GEMIN5: variants seen among roughly 807,000 people sequenced by gnomAD.
GEMIN5 encodes gem-associated protein 5.
In GEMIN5, 124 loss-of-function variants were observed where a neutral mutation model predicts 176.9. That is an observed-to-expected ratio of 0.70 (90% CI 0.61 to 0.81). GEMIN5 has a LOEUF of 0.81. GEMIN5 is among the 40% of genes least tolerant of loss of function. The pLI, the probability that GEMIN5 is intolerant of heterozygous loss-of-function variation, is 0.00. For synonymous variants in GEMIN5, 673 were observed against 665.2 expected (o/e 1.01, Z -0.18); for missense variants, 1,843 against 1,814.6 (o/e 1.02, Z -0.28).
At chr5:154,919,345 G>C (rs909179893) in intron 11 of GEMIN5, among the ~76,000 whole-genome samples, 36 of 151,958 alleles carry the variant, frequency 2.4e-4, no homozygotes, top group Non-Finnish European at 4.4e-5. Flanking sequence ...CACAAAAAAG[G>C]GTAAGGAAAT....
Position 154,888,172 on chromosome 5 carries a change from A to G in GEMIN5, c.*38T>C. 1.3e-6 allele frequency: 2 copies of G among 1,597,808 alleles called. No homozygotes were observed. Among genetic ancestry groups the G allele is most frequent in the Middle Eastern group, 1.7e-4 (1 of 6,046 alleles). On this transcript the variant is annotated 3_prime_UTR_variant, in exon 28 of 28. Transcript: ENST00000285873. ...ACTGCAGAGGTGAAAGATGTCAAACATTTTCAATTTGGCAGTTTCTTCAAG... is the reference window on the plus strand; with the variant it reads ...ACTGCAGAGGTGAAAGATGTCAAACGTTTTCAATTTGGCAGTTTCTTCAAG...
chr5:154,914,454 C>A (rs1232382266), intron 13 of GEMIN5, among the ~76,000 whole-genome samples: 1 of 150,584 alleles, frequency 6.6e-6, no homozygotes, highest in African/African-American at 2.4e-5. Context: ...CTATTAAGAA[C>A]ATCATTGGAT....
intron 8 of GEMIN5, among the ~76,000 whole-genome samples, chr5:154,925,428 GA>G (rs1257409259): frequency 1.3e-5 from 2 of 151,988 alleles, no homozygotes; most frequent in Non-Finnish European, 2.9e-5. Flanking sequence ...TCATTTTAGA[GA>G]AAACCAAAAA....
intron 12 of GEMIN5, 38 bp downstream of exon 12, chr5:154,917,893 G>T: frequency 7.6e-7 from 1 of 1,307,246 alleles, no homozygotes; most frequent in Non-Finnish European, 1.1e-6. Context: ...ATATATGTGC[G>T]ATTGCAAATT....
chr5:154,892,655 T>C, intron 24 of GEMIN5, 106 bp from the exon 25 acceptor site: 1 of 1,098,064 alleles, frequency 9.1e-7, no homozygotes, highest in Non-Finnish European at 1.3e-6. Context: ...GTACACACAA[T>C]TCACACTTTG....
In GEMIN5 at chr5:154,896,281, AAG is replaced by A; in HGVS notation, c.3406_3407del (p.Leu1136PhefsTer35). On this transcript the variant is annotated frameshift_variant, in exon 24 of 28. Coordinates refer to ENST00000285873, the MANE Select transcript of GEMIN5 (RefSeq NM_015465.5). LOFTEE classifies it high-confidence loss of function. ...LLSRHLEEKQ[L>X]SEGKSSSSYH... ...AAGAGGAGGAGCTTTTGCCCTCTGA[AAG>A]CTGCTTTTCCTCCAGATGCCTGGAC... The A allele has an allele frequency of 6.2e-7, 1 of 1,612,360 alleles. No individual in the cohort carries two copies. Among genetic ancestry groups the A allele is most frequent in the African/African-American group, 1.3e-5 (1 of 74,922 alleles).
intron 24 of GEMIN5, among the ~76,000 whole-genome samples, chr5:154,894,523 C>A (rs191945482): frequency 1.3e-5 from 2 of 152,202 alleles, no homozygotes; most frequent in African/African-American, 4.8e-5. Flanking sequence ...GTAATCACAG[C>A]ACTTTGGGAG....
intron 7 of GEMIN5, 44 bp downstream of exon 7, chr5:154,927,341 T>TA: frequency 7.2e-7 from 1 of 1,382,168 alleles, no homozygotes; most frequent in South Asian, 1.2e-5. Context: ...ACCCAAGTTG[T>TA]AAACTGCTGC....
At chr5:154,927,579 C>CT in intron 6 of GEMIN5, 29 bp from the exon 7 acceptor site, 1 of 1,518,222 alleles carries the variant, frequency 6.6e-7, no homozygotes, top group East Asian at 2.3e-5. Flanking sequence ...AGCATTAGTT[C>CT]TTTTACAAAC....
intron 9 of GEMIN5, among the ~76,000 whole-genome samples, chr5:154,921,893 AT>A (rs1763931195): frequency 1.3e-5 from 2 of 152,198 alleles, no homozygotes; most frequent in African/African-American, 4.8e-5. Context: ...TCCTAAGAGC[AT>A]TTTTGAAGGT....
In GEMIN5 at chr5:154,921,366, G is replaced by A; in HGVS notation, c.1439C>T (p.Pro480Leu). ...ACCAAGTGACATGGGGGGTACTGGTGGCCCCCAGGCTAAAGTATATACAGT... is the reference window on the plus strand; with the variant it reads ...ACCAAGTGACATGGGGGGTACTGGTAGCCCCCAGGCTAAAGTATATACAGT... ...KKTVYTLAWG[P>L]PVPPMSLGGE... The change falls in exon 10 of 28, where the codon CCA (proline) becomes CTA (leucine). Residue 480 changes from proline (P) to leucine (L), a missense_variant. Transcript: ENST00000285873. 6.9e-7 allele frequency: 1 copy of A among 1,457,986 alleles called. No homozygotes were observed. The highest frequency in any genetic ancestry group is 9.6e-7 in the Non-Finnish European group (1 of 1,045,450). The allele number at this position is 1,457,986 out of a possible 1,614,324, so 90.3% of individuals were successfully genotyped here. A position where few individuals can be genotyped will look rare whatever the true frequency, so the allele number is the denominator to read the frequency against.
chr5:154,909,621 C>A (rs1188962476), intron 15 of GEMIN5, among the ~76,000 whole-genome samples: 1 of 151,970 alleles, frequency 6.6e-6, no homozygotes, highest in Non-Finnish European at 1.5e-5. Context: ...TAAGATATAC[C>A]CCCTGCTTGA....
intron 15 of GEMIN5, among the ~76,000 whole-genome samples, chr5:154,908,584 T>C (rs1247920119): frequency 6.6e-6 from 1 of 152,224 alleles, no homozygotes; most frequent in African/African-American, 2.4e-5. Context: ...GTTAGTTGCA[T>C]GGTTTTCCTT....
chr5:154,920,406 T>C (rs972071482), intron 10 of GEMIN5, among the ~76,000 whole-genome samples: 1 of 152,216 alleles, frequency 6.6e-6, no homozygotes, highest in Admixed American at 6.5e-5. Flanking sequence ...AAAACAAACA[T>C]ATATGTTCTC....
chr5:154,898,486 T>C lies in GEMIN5; in HGVS notation c.3299A>G (p.Asn1100Ser), dbSNP rs1763399040. 3.1e-6 allele frequency: 5 copies of C among 1,614,042 alleles called. No individual in the cohort carries two copies. In the African/African-American group the frequency reaches 4.0e-5, roughly 13 times the overall value. Residue 1100 changes from asparagine (N) to serine (S), a missense_variant, in exon 23 of 28, where the codon AAC becomes AGC. Transcript: ENST00000285873. The stretch of plus-strand genomic sequence containing the variant: ...CAGGGCTTCCTGGGCTCCCACCCAG[T>C]TGTTGGCCAGAAGCAGCTCTTGGGC... ...RCAQELLLANNWVGAQEALQL... is the reference protein window; with the variant it reads ...RCAQELLLANSWVGAQEALQL...
In GEMIN5 at chr5:154,902,633, C is replaced by G; in HGVS notation, c.2772G>C (p.Gln924His). 1.2e-6 allele frequency: 2 copies of G among 1,614,010 alleles called. No homozygotes were observed. Among genetic ancestry groups the G allele is most frequent in the Non-Finnish European group, 1.7e-6 (2 of 1,179,866 alleles). The change falls in exon 20 of 28, where the codon CAG becomes CAC. Residue 924 changes from glutamine to histidine, a missense_variant. By Grantham distance (24) the Gln-to-His change is conservative (BLOSUM62 0). Transcript: ENST00000285873. ...TGAGATCTCCTTTCCAAAGCATAAG[C>G]TGGTGAAATAACTCAGGGTGGCCAT... The part of the protein sequence containing the change: ...LENGHPELFH[Q>H]LMLWKGDLKG...
rs1323200285 is a variant in GEMIN5, at chr5:154,927,394, C to T, written c.1071G>A (p.Met357Ile). 2 of 1,565,600 alleles carry T rather than the reference C, an allele frequency of 1.3e-6. No homozygotes were observed. The highest frequency in any genetic ancestry group is 2.7e-5 in the African/African-American group (2 of 74,256). Residue 357 changes from methionine to isoleucine, a missense_variant, in exon 7 of 28, where the codon ATG becomes ATA. Physicochemically the swap from Met to Ile is conservative, Grantham distance 10. Transcript: ENST00000285873. ...AAATAAGCATTCTTACATCTCTATC[C>T]ATTGATGTAGAAAGTAATAGCTGTT... ...DDKQLLLSTS[M>I]DRDVKCWDIA...
At chr5:154,935,124 A>G (rs1582679921) in intron 3 of GEMIN5, among the ~76,000 whole-genome samples, 1 of 152,186 alleles carries the variant, frequency 6.6e-6, no homozygotes, top group Non-Finnish European at 1.5e-5. Context: ...TCATCAGCAT[A>G]AAAACAGGTC....
At chr5:154,891,885 G>A (rs887409447) in intron 25 of GEMIN5, 143 bp from the exon 26 acceptor site, 2 of 772,348 alleles carry the variant, frequency 2.6e-6, no homozygotes, top group South Asian at 1.9e-5. Flanking sequence ...CGGGCCACAT[G>A]CCTTTCCACC....
Sources: allele counts gnomAD v4.1 joint callset (sites outside exome capture counted in the v4.1 genomes callset), GRCh38; gene constraint gnomAD v4.1.1; transcripts MANE v1.5; gene names NCBI Gene and HGNC (gene_info 2026-07-23, HGNC 2026-07-21).